PDE7B: variants seen among roughly 807,000 people sequenced by gnomAD.
PDE7B encodes the protein phosphodiesterase 7B.
In PDE7B, 29 loss-of-function variants were observed where a neutral mutation model predicts 56.2. The observed-to-expected ratio is 0.52, with a 90% CI of 0.38 to 0.70. The LOEUF (loss-of-function observed/expected upper bound fraction) is 0.70. Among genes scored for constraint, PDE7B ranks in the 30% least tolerant of loss-of-function variants. The pLI, the probability that PDE7B is intolerant of heterozygous loss-of-function variation, is 0.00. For missense variants in PDE7B, 490 were observed against 565.0 expected, an observed-to-expected ratio of 0.87 and a Z score of 1.35; for synonymous variants, 197 against 196.9, an observed-to-expected ratio of 1.00 and a Z score of 0.00.
intron 1 of PDE7B, among the ~76,000 whole-genome samples, chr6:135,898,364 TTTTC>T (rs1249117889): frequency 1.3e-5 from 2 of 152,256 alleles, no homozygotes; most frequent in East Asian, 1.9e-4. Context: ...AACACAAACT[TTTTC>T]TTTATTTTTT....
At chr6:136,021,517 G>T (rs1776071093) in intron 2 of PDE7B, among the ~76,000 whole-genome samples, 1 of 152,024 alleles carries the variant, frequency 6.6e-6, no homozygotes, top group African/African-American at 2.4e-5. Flanking sequence ...GGTGGTGCAT[G>T]CCTGTAATCC....
chr6:135,894,290 T>A (rs1165618331), intron 1 of PDE7B, among the ~76,000 whole-genome samples: 1 of 152,170 alleles, frequency 6.6e-6, no homozygotes, highest in Non-Finnish European at 1.5e-5. Context: ...TTTCTTTTAA[T>A]TGACACTGTT....
At position 136,122,904 on chromosome 6, in the gene PDE7B, G is replaced by A. The variant is rs530822464; in HGVS notation, c.166+14090G>A. On this transcript the variant is annotated intron_variant, in intron 3 of 12. Transcript: ENST00000308191. ...CTCCCATCACCCTCCCTGCTGAGAT[G>A]GATGCTCTTCAGGCAAGCCTCCAGA... Among the ~76,000 whole-genome samples, 5 of 152,266 alleles carry A rather than the reference G, an allele frequency of 3.3e-5. No homozygotes were observed. In the South Asian group the frequency reaches 1.0e-3, roughly 32 times the overall value.
intron 2 of PDE7B, among the ~76,000 whole-genome samples, chr6:136,055,933 G>T (rs544143080): frequency 6.6e-6 from 1 of 152,178 alleles, no homozygotes; most frequent in Non-Finnish European, 1.5e-5. Context: ...GATCCTGCAA[G>T]ATAAGGAAGG....
At chr6:136,044,633 A>G (rs1421181629) in intron 2 of PDE7B, 1 of 152,256 alleles carries the variant, frequency 6.6e-6, no homozygotes, top group East Asian at 1.9e-4. Context: ...CCTATAGAGA[A>G]CTTGTAATCT....
chr6:136,103,795 A>C (rs1401899138), intron 2 of PDE7B, among the ~76,000 whole-genome samples: 1 of 152,210 alleles, frequency 6.6e-6, no homozygotes, highest in Non-Finnish European at 1.5e-5. Context: ...ATGGAAGCCC[A>C]GTAGCTACTG....
intron 1 of PDE7B, among the ~76,000 whole-genome samples, chr6:135,924,371 T>G (rs1177203353): frequency 6.6e-6 from 1 of 152,156 alleles, no homozygotes; most frequent in Non-Finnish European, 1.5e-5. Flanking sequence ...CCCTCTAGAT[T>G]CTCTCTGTTC....
intron 2 of PDE7B, among the ~76,000 whole-genome samples, chr6:135,972,108 C>T (rs1397051628): frequency 6.6e-6 from 1 of 151,832 alleles, no homozygotes; most frequent in Non-Finnish European, 1.5e-5. Flanking sequence ...GTGGTGCCCA[C>T]CTGTAATCCC....
At chr6:136,145,213 C>G (rs996575887) in intron 3 of PDE7B, among the ~76,000 whole-genome samples, 1 of 152,124 alleles carries the variant, frequency 6.6e-6, no homozygotes, top group Non-Finnish European at 1.5e-5. Flanking sequence ...ACCTTATCAC[C>G]TGTATGAACT....
intron 1 of PDE7B, among the ~76,000 whole-genome samples, chr6:135,900,754 T>C (rs1246163996): frequency 6.6e-6 from 1 of 152,096 alleles, no homozygotes; most frequent in Admixed American, 6.6e-5. Flanking sequence ...AATTCTCACA[T>C]ATAGGATAGA....
At chr6:136,082,715 T>C (rs1777226500) in intron 2 of PDE7B, among the ~76,000 whole-genome samples, 1 of 152,212 alleles carries the variant, frequency 6.6e-6, no homozygotes, top group African/African-American at 2.4e-5. Context: ...TTTAGGTATA[T>C]GCTTTTCAAT....
chr6:136,005,607 C>T (rs367940093), intron 2 of PDE7B, among the ~76,000 whole-genome samples: 1 of 152,220 alleles, frequency 6.6e-6, no homozygotes, highest in Admixed American at 6.5e-5. Context: ...TGAAAAAATG[C>T]TCACCTTCAC....
At chr6:136,147,640 C>T (rs1778439082) in intron 4 of PDE7B, 138 bp downstream of exon 4, 2 of 602,048 alleles carry the variant, frequency 3.3e-6, no homozygotes, top group Non-Finnish European at 5.9e-6. Context: ...TACATCTGGA[C>T]TTGTTCCTCT....
At chr6:136,068,001 G>A (rs542949667) in intron 2 of PDE7B, among the ~76,000 whole-genome samples, 312 of 152,308 alleles carry the variant, frequency 2.0e-3, no homozygotes, top group South Asian at 3.7e-3. Context: ...CCACCTGAAA[G>A]GAATGTTTGT....
chr6:136,022,913 G>A (rs1278639030), intron 2 of PDE7B, among the ~76,000 whole-genome samples: 3 of 151,934 alleles, frequency 2.0e-5, no homozygotes, highest in African/African-American at 7.3e-5. Context: ...AAACTACAAA[G>A]CAATGTTTCT....
chr6:136,158,027 C>T (rs1344618858), intron 8 of PDE7B, among the ~76,000 whole-genome samples: 1 of 152,158 alleles, frequency 6.6e-6, no homozygotes, highest in East Asian at 1.9e-4. Flanking sequence ...CTTTACTCTG[C>T]ATTAAGTTAT....
intron 3 of PDE7B, among the ~76,000 whole-genome samples, chr6:136,131,779 G>C (rs1428590974): frequency 1.3e-5 from 2 of 152,028 alleles, no homozygotes; most frequent in Non-Finnish European, 2.9e-5. Flanking sequence ...AGAGAAATAG[G>C]AAAGTCACAC....
At chr6:136,109,084 C>T (rs1269226867) in intron 3 of PDE7B, among the ~76,000 whole-genome samples, 3 of 152,148 alleles carry the variant, frequency 2.0e-5, no homozygotes, top group Non-Finnish European at 2.9e-5. Context: ...CATGGTGGCT[C>T]ACGCCTGTAA....
At chr6:136,063,687 G>A (rs1246092048) in intron 2 of PDE7B, among the ~76,000 whole-genome samples, 1 of 152,024 alleles carries the variant, frequency 6.6e-6, no homozygotes, top group South Asian at 2.1e-4. Flanking sequence ...CCACTTCTCC[G>A]CCTCACTTTC....
Sources: gnomAD v4.1 joint callset for allele counts (sites outside exome capture counted in the v4.1 genomes callset) on GRCh38, gnomAD v4.1.1 for gene constraint, MANE v1.5 for transcripts, NCBI Gene and HGNC (gene_info 2026-07-23, HGNC 2026-07-21) for gene names.